KIAA1328: variants seen among roughly 807,000 people sequenced by gnomAD.
KIAA1328 encodes the protein protein hinderin.
In KIAA1328, 52 loss-of-function variants were observed where a neutral mutation model predicts 68.1. That is an observed-to-expected ratio of 0.76 (90% CI 0.61 to 0.96). The LOEUF (loss-of-function observed/expected upper bound fraction) is 0.96. KIAA1328 is among the 40% of genes least tolerant of loss of function. KIAA1328 has a pLI of 0.00. For synonymous variants in KIAA1328, 232 were observed against 239.4 expected (o/e 0.97, Z 0.28); for missense variants, 641 against 677.6 (o/e 0.95, Z 0.60).
chr18:37,092,504 C>T (rs564307625), intron 7 of KIAA1328, among the ~76,000 whole-genome samples: 60 of 152,156 alleles, frequency 3.9e-4, no homozygotes, highest in Non-Finnish European at 6.6e-4. Context: ...CCACCTGCCA[C>T]GACTGATGCC....
intron 7 of KIAA1328, among the ~76,000 whole-genome samples, chr18:37,159,141 C>G (rs323311): frequency 0.27 from 40,551 of 151,572 alleles, 8,500 homozygotes; most frequent in African/African-American, 0.59. Flanking sequence ...TTATATAATT[C>G]TGAACATAAA....
chr18:36,852,855 A>G (rs576145946), intron 4 of KIAA1328, among the ~76,000 whole-genome samples: 4 of 152,234 alleles, frequency 2.6e-5, no homozygotes, highest in African/African-American at 9.6e-5. Context: ...AGTCTGCCAC[A>G]CTTTCTTATT....
At chr18:37,080,936 A>C (rs1423068553) in intron 7 of KIAA1328, among the ~76,000 whole-genome samples, 3 of 151,888 alleles carry the variant, frequency 2.0e-5, no homozygotes, top group Non-Finnish European at 4.4e-5. Context: ...ATCCAAATCC[A>C]AGTGAGATGC....
At chr18:37,206,767 T>C (rs2060223900) in intron 9 of KIAA1328, among the ~76,000 whole-genome samples, 1 of 152,206 alleles carries the variant, frequency 6.6e-6, no homozygotes, top group Non-Finnish European at 1.5e-5. Context: ...TGGTGTCTTT[T>C]AACTAAGATA....
At position 37,132,617 on chromosome 18, in the gene KIAA1328, A is replaced by G. The variant is rs56868470; in HGVS notation, c.1233-27583A>G. 2.5e-3 allele frequency among the ~76,000 whole-genome samples: 374 copies of G among 152,312 alleles called. 2 individuals are homozygous for G. Among genetic ancestry groups the G allele is most frequent in the African/African-American group, 8.6e-3 (357 of 41,572 alleles). ...GGGAATATGCATTCCCTTAAGGTAAATTACATAGTCTGATTTAGGGAACTT... is the reference window on the plus strand; with the variant it reads ...GGGAATATGCATTCCCTTAAGGTAAGTTACATAGTCTGATTTAGGGAACTT... On this transcript the variant is annotated intron_variant, in intron 7 of 9. Coordinates refer to ENST00000280020, the MANE Select transcript of KIAA1328 (RefSeq NM_020776.3).
At chr18:37,177,376 A>G (rs756525722) in intron 9 of KIAA1328, among the ~76,000 whole-genome samples, 3 of 152,210 alleles carry the variant, frequency 2.0e-5, no homozygotes, top group Admixed American at 6.5e-5. Flanking sequence ...CACCAGGCCT[A>G]CAGTAGCAGG....
chr18:37,087,967 A>G (rs1002128373), intron 7 of KIAA1328, among the ~76,000 whole-genome samples: 1 of 152,104 alleles, frequency 6.6e-6, no homozygotes, highest in Non-Finnish European at 1.5e-5. Context: ...TCTTCATACA[A>G]TGGGGACAGA....
At chr18:37,058,351 T>C (rs1222905282) in intron 6 of KIAA1328, among the ~76,000 whole-genome samples, 1 of 152,096 alleles carries the variant, frequency 6.6e-6, no homozygotes, top group African/African-American at 2.4e-5. Flanking sequence ...GGTTCACAAA[T>C]ATAATGTTAG....
At chr18:37,122,396 G>A (rs980748451) in intron 7 of KIAA1328, among the ~76,000 whole-genome samples, 1 of 151,994 alleles carries the variant, frequency 6.6e-6, no homozygotes, top group Non-Finnish European at 1.5e-5. Flanking sequence ...GAAGAAGCAG[G>A]GAGTTGTAGC....
At chr18:36,916,984 A>G (rs933644072) in intron 5 of KIAA1328, among the ~76,000 whole-genome samples, 7 of 152,074 alleles carry the variant, frequency 4.6e-5, no homozygotes, top group Non-Finnish European at 5.9e-5. Context: ...ACAAAACAAA[A>G]CAAAATTCCC....
chr18:37,221,283 C>A (rs1020173895), intron 9 of KIAA1328, among the ~76,000 whole-genome samples: 4 of 152,198 alleles, frequency 2.6e-5, no homozygotes, highest in Admixed American at 2.6e-4. Context: ...CAGGAAGGAA[C>A]TAACATTTAT....
At chr18:37,064,540 C>T (rs530492496) in intron 6 of KIAA1328, among the ~76,000 whole-genome samples, 1 of 141,108 alleles carries the variant, frequency 7.1e-6, no homozygotes, top group Non-Finnish European at 1.5e-5. Flanking sequence ...GAAAGTACCC[C>T]CCCCCCCAAA....
At chr18:37,180,161 A>G (rs1240340027) in intron 9 of KIAA1328, among the ~76,000 whole-genome samples, 1 of 151,880 alleles carries the variant, frequency 6.6e-6, no homozygotes, top group African/African-American at 2.4e-5. Flanking sequence ...CCTGTTCACA[A>G]TTCTTAGCAT....
rs2056358094 is a variant in KIAA1328 at position 37,066,907 on chromosome 18, C to T, written c.594C>T (p.Ser198=). Residue 198 remains serine, a synonymous_variant, in exon 7 of 10, where the codon AGC becomes AGT. Coordinates refer to ENST00000280020, the MANE Select transcript of KIAA1328 (RefSeq NM_020776.3). ...CTTTCTAGGTATCCAGTAGAAAAAG[C>T]ACTCTCCAGTGTTCATCTGTGGAAC... ...MQEQQVSSRK[S]TLQCSSVELD... is the part of the protein sequence containing the mutation. 2.5e-6 allele frequency: 4 copies of T among 1,590,834 alleles called. No homozygotes were observed. In the African/African-American group the frequency reaches 4.0e-5, roughly 16 times the overall value.
chr18:37,198,215 G>A (rs914091167), intron 9 of KIAA1328, among the ~76,000 whole-genome samples: 6 of 152,090 alleles, frequency 3.9e-5, no homozygotes, highest in Non-Finnish European at 5.9e-5. Context: ...TGGGTACAAC[G>A]TGTCTTTTTG....
rs537614792 is a variant in KIAA1328 at position 37,222,956 on chromosome 18, A to G, written c.*729A>G. 9.4e-5 allele frequency: 93 copies of G among 985,522 alleles called. 1 individual carries two copies. The African/African-American group carries it at 1.5e-3, about 16-fold the overall frequency. The allele number at this position is 985,522 out of a possible 1,614,324, so 61.0% of individuals were successfully genotyped here. ...AGGCACAAGCCTGAAGCACTCTTCT[A>G]CCAATGTTTGGGTGACCACCCCTCC... On this transcript the variant is annotated 3_prime_UTR_variant, in exon 10 of 10. Transcript: ENST00000280020.
chr18:37,081,494 A>T (rs2056948081), intron 7 of KIAA1328, among the ~76,000 whole-genome samples: 1 of 152,136 alleles, frequency 6.6e-6, no homozygotes, highest in Admixed American at 6.6e-5. Flanking sequence ...GGTCATCTGA[A>T]ACTCAACCTT....
chr18:37,175,511 A>G lies in KIAA1328; in HGVS notation c.1523+2430A>G, dbSNP rs553955120. Among the ~76,000 whole-genome samples the G allele has an allele frequency of 3.3e-5, 5 of 152,306 alleles. No individual in the cohort carries two copies. In the South Asian group the frequency reaches 1.0e-3, roughly 32 times the overall value. ...TCCTATGTAACGAGCATTTGGCTTA[A>G]TAAAACAACATGTAGCACACCATAT... is the stretch of plus-strand genomic sequence containing the variant. On this transcript the variant is annotated intron_variant, in intron 9 of 9. Transcript: ENST00000280020.
At chr18:36,831,010 A>G (rs1468056833) in intron 1 of KIAA1328, among the ~76,000 whole-genome samples, 2 of 152,228 alleles carry the variant, frequency 1.3e-5, no homozygotes. Flanking sequence ...GTTACTGAAT[A>G]TTTGCTGAAA....
Sources: allele counts gnomAD v4.1 joint callset (sites outside exome capture counted in the v4.1 genomes callset), GRCh38; gene constraint gnomAD v4.1.1; transcripts MANE v1.5; gene names NCBI Gene and HGNC (gene_info 2026-07-23, HGNC 2026-07-21).